ZC3H12B: variants seen among roughly 807,000 people sequenced by gnomAD.
ZC3H12B encodes the protein zinc finger CCCH-type containing 12B.
Under a neutral mutation model 43.9 loss-of-function variants are expected in ZC3H12B, and 7 were observed. That is an observed-to-expected ratio of 0.16 (90% confidence interval 0.09 to 0.30). ZC3H12B has a LOEUF of 0.30. ZC3H12B is among the 10% of genes least tolerant of loss of function. ZC3H12B has a pLI of 1.00. For missense variants in ZC3H12B, 475 were observed against 670.2 expected, an observed-to-expected ratio of 0.71 and a Z score of 3.22; for synonymous variants, 222 against 241.7, an observed-to-expected ratio of 0.92 and a Z score of 0.76.
chrX:65,183,954 G>C, the ZC3H12B span, among the ~76,000 whole-genome samples: 1 of 111,311 alleles, frequency 9.0e-6, no homozygotes, highest in African/African-American at 3.3e-5. Context: ...TGGTGTGTGG[G>C]ATAATTTTAA....
chrX:65,227,598 G>C, the ZC3H12B span, among the ~76,000 whole-genome samples: 1 of 111,479 alleles, frequency 9.0e-6, no homozygotes, highest in South Asian at 3.8e-4. Flanking sequence ...CCAGTAGCTG[G>C]TTTTTTGAAA....
At chrX:65,091,345 G>A in the ZC3H12B span, among the ~76,000 whole-genome samples, 14 of 110,844 alleles carry the variant, frequency 1.3e-4, no homozygotes, top group Non-Finnish European at 1.9e-4. Flanking sequence ...CTATTGACAC[G>A]TTGATTTTGG....
chrX:65,274,368 C>G, the ZC3H12B span, among the ~76,000 whole-genome samples: 547 of 110,579 alleles, frequency 4.9e-3, 2 homozygotes, highest in African/African-American at 0.016. Context: ...CTAAGTGTAG[C>G]CTGCTCTAGG....
the ZC3H12B span, among the ~76,000 whole-genome samples, chrX:65,317,094 G>A: frequency 7.2e-5 from 8 of 110,731 alleles, no homozygotes; most frequent in Admixed American, 9.6e-5. Context: ...CAAGAAAACC[G>A]AACTATCCTA....
chrX:65,447,955 G>A (rs112802318), intron 3 of ZC3H12B, among the ~76,000 whole-genome samples: 9,276 of 111,234 alleles, frequency 0.083, 1,024 homozygotes, highest in African/African-American at 0.29. Context: ...TAAAAGGGCC[G>A]GGCACGGTGG....
At chrX:65,245,115 C>T in the ZC3H12B span, among the ~76,000 whole-genome samples, 1 of 111,753 alleles carries the variant, frequency 8.9e-6, no homozygotes, top group Non-Finnish European at 1.9e-5. Flanking sequence ...TTATGAACCC[C>T]TCTATCTACA....
the ZC3H12B span, among the ~76,000 whole-genome samples, chrX:65,316,300 C>T: frequency 9.0e-6 from 1 of 111,550 alleles, no homozygotes; most frequent in Non-Finnish European, 1.9e-5. Context: ...AAGAGGCCAG[C>T]ATTTAAAGTC....
intron 1 of ZC3H12B, among the ~76,000 whole-genome samples, chrX:65,495,777 C>T (rs2068270158): frequency 8.9e-6 from 1 of 112,381 alleles, no homozygotes; most frequent in African/African-American, 3.2e-5. Context: ...TTCTGTTTGG[C>T]TTTTTAAGTT....
the ZC3H12B span, among the ~76,000 whole-genome samples, chrX:65,159,210 G>A: frequency 3.2e-4 from 36 of 112,013 alleles, 1 homozygote; most frequent in South Asian, 0.013. Context: ...GTAGCATGAT[G>A]CCTCCAGCTT....
At chrX:65,167,980 A>T in the ZC3H12B span, among the ~76,000 whole-genome samples, 1 of 112,005 alleles carries the variant, frequency 8.9e-6, no homozygotes, top group Non-Finnish European at 1.9e-5. Context: ...GTCATCTGCA[A>T]CAAGGGACAA....
the ZC3H12B span, chrX:65,185,969 C>T: frequency 9.0e-6 from 1 of 111,499 alleles, no homozygotes; most frequent in African/African-American, 3.2e-5. Flanking sequence ...TTAGCAAGTG[C>T]ACCTAAACAA....
At chrX:65,416,184 G>A (rs1015400249) in intron 3 of ZC3H12B, among the ~76,000 whole-genome samples, 22 of 111,733 alleles carry the variant, frequency 2.0e-4, no homozygotes, top group Non-Finnish European at 3.9e-4. Flanking sequence ...GCAGTCATGG[G>A]AGAGGGGCAG....
intron 2 of ZC3H12B, among the ~76,000 whole-genome samples, chrX:65,385,343 TCTC>T (rs1403411924): frequency 5.4e-5 from 6 of 111,810 alleles, no homozygotes; most frequent in Admixed American, 4.8e-4. Context: ...GGTTTGTAGT[TCTC>T]CTTGAAGAGG....
At chrX:65,105,943 A>C in the ZC3H12B span, among the ~76,000 whole-genome samples, 4 of 111,748 alleles carry the variant, frequency 3.6e-5, no homozygotes, top group African/African-American at 1.3e-4. Context: ...GAAGTGAATA[A>C]ATTGATAACT....
chrX:65,349,625 G>C, the ZC3H12B span, among the ~76,000 whole-genome samples: 1 of 111,185 alleles, frequency 9.0e-6, no homozygotes, highest in Non-Finnish European at 1.9e-5. Context: ...TAATAAAAAA[G>C]AAAAGAGAGA....
the ZC3H12B span, among the ~76,000 whole-genome samples, chrX:65,057,959 C>A: frequency 2.7e-5 from 3 of 111,816 alleles, no homozygotes; most frequent in Non-Finnish European, 5.6e-5. Context: ...CATCTCTACA[C>A]TGATTATTCT....
chrX:65,167,929 T>C, the ZC3H12B span, among the ~76,000 whole-genome samples: 1 of 112,074 alleles, frequency 8.9e-6, no homozygotes, highest in Non-Finnish European at 1.9e-5. Flanking sequence ...CTTAAGGAGA[T>C]TTTGGGCTCA....
At chrX:65,211,869 TATATA>T in the ZC3H12B span, among the ~76,000 whole-genome samples, 11 of 77,881 alleles carry the variant, frequency 1.4e-4, no homozygotes, top group South Asian at 6.1e-4. Context: ...TACTATATAA[TATATA>T]ATATATGTTA....
chrX:65,242,642 A>T, the ZC3H12B span, among the ~76,000 whole-genome samples: 1 of 112,113 alleles, frequency 8.9e-6, no homozygotes, highest in African/African-American at 3.2e-5. Flanking sequence ...TGAAATTTAT[A>T]TGGAATCACA....
Sources: allele counts gnomAD v4.1 joint callset (sites outside exome capture counted in the v4.1 genomes callset), GRCh38; gene constraint gnomAD v4.1.1; transcripts MANE v1.5; gene names NCBI Gene and HGNC (gene_info 2026-07-23, HGNC 2026-07-21).